PIK3C2G: variants seen among roughly 807,000 people sequenced by gnomAD.
PIK3C2G encodes phosphatidylinositol-4-phosphate 3-kinase catalytic subunit type 2 gamma.
A neutral mutation model predicts 181.1 loss-of-function variants in PIK3C2G; 168 were observed. That is an observed-to-expected ratio of 0.93 (90% CI 0.82 to 1.05). PIK3C2G has a LOEUF of 1.05. Among genes scored for constraint, PIK3C2G ranks in the 50% least tolerant of loss-of-function variants. PIK3C2G has a pLI of 0.00. For synonymous variants in PIK3C2G, 573 were observed against 592.2 expected (o/e 0.97, Z 0.47); for missense variants, 1,869 against 1,732.8 (o/e 1.08, Z -1.40).
At chr12:18,424,278 C>G (rs1945662974) in intron 18 of PIK3C2G, among the ~76,000 whole-genome samples, 1 of 152,106 alleles carries the variant, frequency 6.6e-6, no homozygotes, top group South Asian at 2.1e-4. Context: ...AACAGAATTT[C>G]AAATCTGAAT....
intron 31 of PIK3C2G, among the ~76,000 whole-genome samples, chr12:18,616,505 G>A (rs985468637): frequency 6.6e-5 from 10 of 151,934 alleles, no homozygotes; most frequent in East Asian, 1.9e-4. Flanking sequence ...CTTAACATCC[G>A]TCTCACTTAA....
intron 10 of PIK3C2G, among the ~76,000 whole-genome samples, chr12:18,343,676 T>C (rs929199646): frequency 2.0e-5 from 3 of 152,082 alleles, no homozygotes; most frequent in Admixed American, 2.0e-4. Context: ...TTCCAAGACA[T>C]TGAAAATTTT....
At position 18,567,057 on chromosome 12, in the gene PIK3C2G, C is replaced by T. The variant is rs570833233; in HGVS notation, c.4011C>T (p.Asn1337=). 23 of 1,221,714 alleles carry T rather than the reference C, an allele frequency of 1.9e-5. No homozygotes were observed. Among genetic ancestry groups the T allele is most frequent in the South Asian group, 7.9e-5 (6 of 75,578 alleles). 75.7% of individuals were successfully genotyped at this position (1,221,714 alleles called of 1,614,324 possible). ...QILNVSHEVT[N]SDCVLSFFLS... is the part of the protein sequence containing the mutation. ...TAAATGTATCACATGAAGTTACAAACGTATGTTATAATTAATTTTTCTATT... is the reference window on the plus strand; with the variant it reads ...TAAATGTATCACATGAAGTTACAAATGTATGTTATAATTAATTTTTCTATT... The change falls in exon 29 of 33, where the codon AAC becomes AAT. Residue 1337 remains asparagine (N), a splice_region_variant and synonymous_variant. Coordinates refer to ENST00000538779, the MANE Select transcript of PIK3C2G (RefSeq NM_001288772.2).
chr12:18,599,499 G>T (rs1947577751), intron 30 of PIK3C2G, among the ~76,000 whole-genome samples: 1 of 151,830 alleles, frequency 6.6e-6, no homozygotes, highest in Non-Finnish European at 1.5e-5. Flanking sequence ...GGACTGTTGT[G>T]GGGTAGGGGG....
chr12:18,302,481 G>A (rs1950215856), intron 5 of PIK3C2G, among the ~76,000 whole-genome samples: 3 of 152,170 alleles, frequency 2.0e-5, no homozygotes, highest in African/African-American at 7.2e-5. Context: ...AGAATGTTAT[G>A]GGTGGGCAGG....
chr12:18,255,225 AAAT>A (rs146030046), intron 1 of PIK3C2G, among the ~76,000 whole-genome samples: 16,983 of 114,990 alleles, frequency 0.15, 1,367 homozygotes, highest in Admixed American at 0.3. Flanking sequence ...AAAAATAAAT[AAAT>A]AAATAAATAA....
chr12:18,543,815 T>G (rs1944290786), intron 25 of PIK3C2G, among the ~76,000 whole-genome samples: 1 of 151,776 alleles, frequency 6.6e-6, no homozygotes, highest in South Asian at 2.1e-4. Flanking sequence ...GTTTTTTTAT[T>G]CATGCATTCA....
intron 1 of PIK3C2G, among the ~76,000 whole-genome samples, chr12:18,252,813 A>T (rs1948107874): frequency 6.6e-6 from 1 of 152,284 alleles, no homozygotes; most frequent in Middle Eastern, 3.4e-3. Flanking sequence ...AACCTGCTTC[A>T]GGGGAGAAGG....
intron 18 of PIK3C2G, among the ~76,000 whole-genome samples, chr12:18,439,102 T>G (rs571982363): frequency 6.6e-6 from 1 of 152,060 alleles, no homozygotes; most frequent in African/African-American, 2.4e-5. Flanking sequence ...ATTGCAAATT[T>G]AAAATTTAAG....
At chr12:18,325,181 G>GATTTTTTA in intron 8 of PIK3C2G, 83 bp downstream of exon 8, 1 of 725,910 alleles carries the variant, frequency 1.4e-6, no homozygotes, top group Non-Finnish European at 2.4e-6. Flanking sequence ...TGCAAATTTT[G>GATTTTTTA]AAGATGACAA....
intron 18 of PIK3C2G, among the ~76,000 whole-genome samples, chr12:18,427,791 A>T (rs1181150752): frequency 6.6e-6 from 1 of 152,092 alleles, no homozygotes; most frequent in Non-Finnish European, 1.5e-5. Flanking sequence ...CGAAAAAAAA[A>T]ATCAAGCCCA....
chr12:18,644,613 A>G (rs1950020180), intron 32 of PIK3C2G, among the ~76,000 whole-genome samples: 1 of 152,112 alleles, frequency 6.6e-6, no homozygotes, highest in African/African-American at 2.4e-5. Flanking sequence ...AGTAAGCTAT[A>G]GTTATTGTTA....
At chr12:18,368,119 CA>C (rs1941771694) in intron 12 of PIK3C2G, among the ~76,000 whole-genome samples, 1 of 152,166 alleles carries the variant, frequency 6.6e-6, no homozygotes, top group Non-Finnish European at 1.5e-5. Flanking sequence ...CCTCTCTCAA[CA>C]CCTGGGGATT....
At chr12:18,507,227 G>A (rs7305226) in intron 24 of PIK3C2G, among the ~76,000 whole-genome samples, 18,650 of 151,624 alleles carry the variant, frequency 0.12, 2,146 homozygotes, top group African/African-American at 0.3. Flanking sequence ...GTGGGGTTTC[G>A]CCATGTTGGC....
chr12:18,587,065 T>C (rs1335788882), intron 29 of PIK3C2G, among the ~76,000 whole-genome samples: 4 of 151,998 alleles, frequency 2.6e-5, no homozygotes, highest in African/African-American at 9.7e-5. Flanking sequence ...CTCAAAATAA[T>C]AGATGCCATC....
intron 24 of PIK3C2G, among the ~76,000 whole-genome samples, chr12:18,519,459 AC>A (rs1246576370): frequency 2.0e-5 from 3 of 152,114 alleles, no homozygotes; most frequent in Non-Finnish European, 2.9e-5. Context: ...TGATCCATTT[AC>A]CATTATGTAA....
At chr12:18,646,015 G>A (rs556221896) in intron 32 of PIK3C2G, among the ~76,000 whole-genome samples, 100 of 152,076 alleles carry the variant, frequency 6.6e-4, no homozygotes, top group Admixed American at 4.7e-3. Flanking sequence ...TACCCACTTA[G>A]AGAAAAGGAA....
At chr12:18,474,264 A>G (rs1938750741) in intron 18 of PIK3C2G, among the ~76,000 whole-genome samples, 1 of 152,098 alleles carries the variant, frequency 6.6e-6, no homozygotes, top group South Asian at 2.1e-4. Flanking sequence ...TCGTCCAACC[A>G]TGTTTCCAAC....
chr12:18,373,622 G>T (rs967335294), intron 13 of PIK3C2G, among the ~76,000 whole-genome samples: 1 of 152,220 alleles, frequency 6.6e-6, no homozygotes, highest in South Asian at 2.1e-4. Context: ...GGCCGAGGCG[G>T]GTGGATCACA....
Sources: gnomAD v4.1 joint callset for allele counts (sites outside exome capture counted in the v4.1 genomes callset) on GRCh38, gnomAD v4.1.1 for gene constraint, MANE v1.5 for transcripts, NCBI Gene and HGNC (gene_info 2026-07-23, HGNC 2026-07-21) for gene names.